Variants in NCDN observed in about 807,000 individuals in gnomAD.
NCDN encodes neurochondrin.
Under a neutral mutation model 60.7 loss-of-function variants are expected in NCDN, and 9 were observed. The ratio of observed to expected loss-of-function variants is 0.15; its 90% CI spans 0.09 to 0.26. NCDN has a LOEUF of 0.26. Ranked by LOEUF, NCDN falls within the 10% of genes least tolerant of loss-of-function variation. The pLI is 1.00. For synonymous variants in NCDN, 409 were observed against 442.5 expected, an observed-to-expected ratio of 0.92 and a Z score of 0.95; for missense variants, 578 against 975.2, an observed-to-expected ratio of 0.59 and a Z score of 5.42.
At chr1:35,564,893 G>T (rs1269949783) in intron 6 of NCDN, among the ~76,000 whole-genome samples, 1 of 151,928 alleles carries the variant, frequency 6.6e-6, no homozygotes, top group African/African-American at 2.4e-5. Flanking sequence ...AACCCTGAGG[G>T]GTTCTCTCTC....
intron 6 of NCDN, among the ~76,000 whole-genome samples, 155 bp downstream of exon 6, chr1:35,564,064 A>G (rs1011175207): frequency 2.4e-4 from 37 of 151,988 alleles, no homozygotes; most frequent in African/African-American, 8.9e-4. Context: ...CCCTACCCCC[A>G]CCGTTCTTCC....
rs1487253878 is a variant in NCDN, at chr1:35,557,964, C to T, written c.-227C>T. The T allele has an allele frequency of 2.9e-6, 2 of 685,114 alleles. No individual in the cohort carries two copies. The highest frequency in any genetic ancestry group is 4.9e-6 in the Non-Finnish European group (2 of 408,750). The allele number at this position is 685,114 out of a possible 1,614,324, so 42.4% of individuals were successfully genotyped here. ...CCGGCGCTGATCGATGCCGACACAC[C>T]CCGGGGACCCTATCGCGACTCCATC... On this transcript the variant is annotated 5_prime_UTR_variant, in exon 1 of 7. Coordinates refer to ENST00000373243, the MANE Select transcript of NCDN (RefSeq NM_014284.3).
At position 35,560,369 on chromosome 1, in the gene NCDN, G is replaced by C. The variant is rs757221696; in HGVS notation, c.218G>C (p.Arg73Pro). 1 of 1,613,964 alleles carries C rather than the reference G, an allele frequency of 6.2e-7. No homozygotes were observed. The highest frequency in any genetic ancestry group is 1.7e-5 in the Admixed American group (1 of 60,020). The change falls in exon 3 of 7, where the codon CGG (arginine) becomes CCG (proline). Residue 73 changes from arginine to proline, a missense_variant. Transcript: ENST00000373243. This position sits in a 1 kb window ranked among gnomAD's most constrained non-coding sequence, Gnocchi z 7.6. ...VKAGDIDAKTRRRIFDAVGFT... is the reference protein window; with the variant it reads ...VKAGDIDAKTPRRIFDAVGFT... ...GCAGGTGACATAGATGCCAAAACTC[G>C]GCGGCGGATCTTCGATGCTGTCGGC... is the stretch of plus-strand genomic sequence containing the variant.
Position 35,561,362 on chromosome 1 carries a change from G to GGGGGAGGAGAATAAT in NCDN, c.1143+75_1143+89dup. The GGGGGAGGAGAATAAT allele has an allele frequency of 6.6e-7, 1 of 1,507,876 alleles. No homozygotes were observed. The highest frequency in any genetic ancestry group is 8.8e-7 in the Non-Finnish European group (1 of 1,135,986). 93.4% of individuals were successfully genotyped at this position (1,507,876 alleles called of 1,614,324 possible). ...AGCCAGTGCTGGAGCTGGGAGGCAA[G>GGGGGAGGAGAATAAT]GGGGAGGAGAATAATGGGGAGACAG... On this transcript the variant is annotated intron_variant, in intron 3 of 6. Transcript: ENST00000373243. This position sits in a 1 kb window ranked among gnomAD's most constrained non-coding sequence, Gnocchi z 4.9.
chr1:35,565,251 G>A lies in NCDN; in HGVS notation c.1778G>A (p.Arg593Gln). The change falls in exon 7 of 7, where the codon CGA becomes CAA. Residue 593 changes from arginine to glutamine, a missense_variant. Physicochemically the swap from Arg to Gln is conservative, Grantham distance 43. This residue lies in a region of NCDN where 191 missense variants were observed against 372.1 expected (regional missense o/e 0.51). Transcript: ENST00000373243. The surrounding 1 kb of genome is among the most constrained non-coding windows in gnomAD (Gnocchi z 8.9). The part of the protein sequence containing the change: ...SPALQGTPAS[R>Q]GFFAAAILFL... ...GCTCTTCAGGGAACACCAGCATCCC[G>A]AGGGTTCTTCGCAGCTGCCATCCTC... is the stretch of plus-strand genomic sequence containing the variant. 1.2e-6 allele frequency: 2 copies of A among 1,611,502 alleles called. No individual in the cohort carries two copies. Among genetic ancestry groups the A allele is most frequent in the Non-Finnish European group, 1.7e-6 (2 of 1,178,136 alleles).
Position 35,559,265 on chromosome 1 carries a change from A to T in NCDN, c.174+18A>T. 2.5e-6 allele frequency: 4 copies of T among 1,613,854 alleles called. No homozygotes were observed. In the South Asian group the frequency reaches 3.3e-5, roughly 13 times the overall value. On this transcript the variant is annotated intron_variant, in intron 2 of 6. Transcript: ENST00000373243. ...TGCTGCTAGTAAGGAACTGGCTGAA[A>T]ATTGGGAGGTGGGAAGGGCTGGGTG... is the stretch of plus-strand genomic sequence containing the variant.
At position 35,565,157 on chromosome 1, in the gene NCDN, G is replaced by C; in HGVS notation, c.1754-70G>C. On this transcript the variant is annotated intron_variant, in intron 6 of 6. Coordinates refer to ENST00000373243, the MANE Select transcript of NCDN (RefSeq NM_014284.3). This position sits in a 1 kb window ranked among gnomAD's most constrained non-coding sequence, Gnocchi z 8.9. Reference sequence around the variant, plus strand: ...GGCTCCTGCATGTGTCTACACAGAGGACTAGGGAAGGGTCTGACACAGCAG... The same window carrying C: ...GGCTCCTGCATGTGTCTACACAGAGCACTAGGGAAGGGTCTGACACAGCAG... 2 of 1,472,112 alleles carry C rather than the reference G, an allele frequency of 1.4e-6. No individual in the cohort carries two copies. Among genetic ancestry groups the C allele is most frequent in the Non-Finnish European group, 9.3e-7 (1 of 1,079,184 alleles). The allele number at this position is 1,472,112 out of a possible 1,614,324, so 91.2% of individuals were successfully genotyped here.
Position 35,561,602 on chromosome 1 carries a change from C to T in NCDN, c.1143+308C>T, listed in dbSNP as rs547113645. On this transcript the variant is annotated intron_variant, in intron 3 of 6. Coordinates refer to ENST00000373243, the MANE Select transcript of NCDN (RefSeq NM_014284.3). The surrounding 1 kb of genome is among the most constrained non-coding windows in gnomAD (Gnocchi z 4.9). ...ATACACACACACTACACGCCACACA[C>T]CTCTCCCCAACACATGCACACAAGA... Among the ~76,000 whole-genome samples the T allele has an allele frequency of 1.9e-4, 29 of 152,278 alleles. No homozygotes were observed. In the East Asian group the frequency reaches 4.1e-3, roughly 21 times the overall value.
Position 35,558,435 on chromosome 1 carries a change from C to CGCT in NCDN, c.33+227_33+229dup, listed in dbSNP as rs1376036118. ...GGGTTAATTCTGCTGCTGCCGCCGC[C>CGCT]GCTGCTGCTGCTGCTGCAGCCTCTA... On this transcript the variant is annotated intron_variant, in intron 1 of 6. Coordinates refer to ENST00000373243, the MANE Select transcript of NCDN (RefSeq NM_014284.3). This position sits in a 1 kb window ranked among gnomAD's most constrained non-coding sequence, Gnocchi z 6.3. The CGCT allele has an allele frequency of 1.0e-4, 144 of 1,428,872 alleles. No individual in the cohort carries two copies. The highest frequency in any genetic ancestry group is 5.0e-4 in the South Asian group (34 of 68,040). 88.5% of individuals were successfully genotyped at this position (1,428,872 alleles called of 1,614,324 possible). A position where few individuals can be genotyped will look rare whatever the true frequency, so the allele number is the denominator to read the frequency against.
intron 2 of NCDN, 91 bp downstream of exon 2, chr1:35,559,338 G>A (rs1648609945): frequency 6.5e-6 from 10 of 1,543,420 alleles, no homozygotes; most frequent in Middle Eastern, 3.4e-4. Flanking sequence ...GGATATGTAC[G>A]TAGTGCTAGC....
At chr1:35,559,352 C>A in intron 2 of NCDN, 105 bp downstream of exon 2, 1 of 1,451,596 alleles carries the variant, frequency 6.9e-7, no homozygotes, top group Non-Finnish European at 9.5e-7. Context: ...TGCTAGCAAC[C>A]CTGGAGGCAC....
Position 35,559,167 on chromosome 1 carries a change from C to G in NCDN, c.94C>G (p.Arg32Gly), listed in dbSNP as rs1208285626. Residue 32 changes from arginine to glycine, a missense_variant, in exon 2 of 7, where the codon CGA becomes GGA. Around this residue, in one of 3 missense-constraint regions of NCDN, gnomAD observed 363 missense variants for 583.6 expected, o/e 0.62. Transcript: ENST00000373243. ...GCCAGCTCTGAACCAGGCAGAGGGC[C>G]GAAACCCCACCCTGGAGCGCTACCT... ...CEPALNQAEGRNPTLERYLGA... is the reference protein window; with the variant it reads ...CEPALNQAEGGNPTLERYLGA... 3.7e-6 allele frequency: 6 copies of G among 1,613,962 alleles called. No individual in the cohort carries two copies. In the South Asian group the frequency reaches 6.6e-5, roughly 18 times the overall value.
At position 35,565,765 on chromosome 1, in the gene NCDN, C is replaced by T. The variant is rs1031297174; in HGVS notation, c.*102C>T. 120 of 1,276,022 alleles carry T rather than the reference C, an allele frequency of 9.4e-5. No homozygotes were observed. The highest frequency in any genetic ancestry group is 1.2e-4 in the Non-Finnish European group (118 of 953,134). 79.0% of individuals were successfully genotyped at this position (1,276,022 alleles called of 1,614,324 possible). A position where few individuals can be genotyped will look rare whatever the true frequency, so the allele number is the denominator to read the frequency against. The stretch of plus-strand genomic sequence containing the variant: ...ATCTGGCCCCCCCCTCCCCAGACTT[C>T]CTCCCCAAAACACCCCAGCTTTCTG... On this transcript the variant is annotated 3_prime_UTR_variant, in exon 7 of 7. Transcript: ENST00000373243. This position sits in a 1 kb window ranked among gnomAD's most constrained non-coding sequence, Gnocchi z 8.9.
rs937172725 is a variant in NCDN at position 35,565,557 on chromosome 1, C to T, written c.2084C>T (p.Ala695Val). ...AAYQGVLVEL[A>V]RANRLCREAM... ...TATCAGGGTGTCCTGGTGGAGCTGG[C>T]GCGGGCCAACCGGCTGTGCCGGGAG... is the stretch of plus-strand genomic sequence containing the variant. The change falls in exon 7 of 7, where the codon GCG (alanine) becomes GTG (valine). Residue 695 changes from alanine (A) to valine (V), a missense_variant. Transcript: ENST00000373243. This position sits in a 1 kb window ranked among gnomAD's most constrained non-coding sequence, Gnocchi z 8.9. 2.6e-6 allele frequency: 4 copies of T among 1,564,936 alleles called. No homozygotes were observed. Among genetic ancestry groups the T allele is most frequent in the Non-Finnish European group, 3.5e-6 (4 of 1,156,956 alleles).
rs1464524338 is a variant in NCDN, at chr1:35,561,931, A to T, written c.1144-461A>T. On this transcript the variant is annotated intron_variant, in intron 3 of 6. Transcript: ENST00000373243. The surrounding 1 kb of genome is among the most constrained non-coding windows in gnomAD (Gnocchi z 4.9). ...GCTCATGTCTTTTTTCTGACTTAGCACAAAAGAGAGCATCCCCTCACTCCC... is the reference window on the plus strand; with the variant it reads ...GCTCATGTCTTTTTTCTGACTTAGCTCAAAAGAGAGCATCCCCTCACTCCC... Among the ~76,000 whole-genome samples, 2 of 152,120 alleles carry T rather than the reference A, an allele frequency of 1.3e-5. No homozygotes were observed. The highest frequency in any genetic ancestry group is 4.8e-5 in the African/African-American group (2 of 41,408).
rs939348073 is a variant in NCDN at position 35,558,322 on chromosome 1, T to C, written c.33+99T>C. The C allele has an allele frequency of 6.3e-7, 1 of 1,579,776 alleles. No individual in the cohort carries two copies. Among genetic ancestry groups the C allele is most frequent in the African/African-American group, 1.3e-5 (1 of 74,288 alleles). On this transcript the variant is annotated intron_variant, in intron 1 of 6. Coordinates refer to ENST00000373243, the MANE Select transcript of NCDN (RefSeq NM_014284.3). The surrounding 1 kb of genome is among the most constrained non-coding windows in gnomAD (Gnocchi z 6.3). The stretch of plus-strand genomic sequence containing the variant: ...TTGGATTCTCCGTTGTCCTGGGAAC[T>C]ATCCGGGACCCCCTCTTGCTTCTCC...
At position 35,558,812 on chromosome 1, in the gene NCDN, C is replaced by G. The variant is rs1648540364; in HGVS notation, c.34-295C>G. The G allele has an allele frequency of 1.2e-6, 1 of 820,312 alleles. No homozygotes were observed. The highest frequency in any genetic ancestry group is 1.7e-6 in the Non-Finnish European group (1 of 594,630). 50.8% of individuals were successfully genotyped at this position (820,312 alleles called of 1,614,324 possible). ...CAGTGGGGCCAGCTCCCGCCCACCC[C>G]CAGGAGACTGGTGAGGAGAGCTGTC... On this transcript the variant is annotated intron_variant, in intron 1 of 6. Transcript: ENST00000373243. This position sits in a 1 kb window ranked among gnomAD's most constrained non-coding sequence, Gnocchi z 6.3.
intron 1 of NCDN, 51 bp from the exon 2 acceptor site, chr1:35,559,056 A>AC (rs1337584462): frequency 3.2e-6 from 1 of 315,362 alleles, no homozygotes; most frequent in Non-Finnish European, 5.5e-6. Context: ...CCCCCACCCC[A>AC]CCCCCGTCCC....
rs374178077 is a variant in NCDN at position 35,558,134 on chromosome 1, A to G, written c.-57A>G. 1.9e-6 allele frequency: 3 copies of G among 1,610,762 alleles called. No homozygotes were observed. In the African/African-American group the frequency reaches 4.0e-5, roughly 22 times the overall value. On this transcript the variant is annotated 5_prime_UTR_variant, in exon 1 of 7. It removes the in-frame stop codon of an upstream open reading frame in the 5' UTR. Transcript: ENST00000373243. The surrounding 1 kb of genome is among the most constrained non-coding windows in gnomAD (Gnocchi z 6.3). ...GTGATTTTGACGTGATCTCTCCGTG[A>G]CATCACCGCGCCATCGTGAAGTGTG... is the stretch of plus-strand genomic sequence containing the variant.
Sources: gnomAD v4.1 joint callset for allele counts (sites outside exome capture counted in the v4.1 genomes callset) on GRCh38, gnomAD v4.1.1 for gene constraint, gnomAD v4.1.1 regional missense constraint, Gnocchi (gnomAD v3.1) non-coding constraint, MANE v1.5 for transcripts, NCBI Gene and HGNC (gene_info 2026-07-23, HGNC 2026-07-21) for gene names.